AGTPBP1: variants seen among roughly 807,000 people sequenced by gnomAD.
AGTPBP1 encodes the protein cytosolic carboxypeptidase 1.
A neutral mutation model predicts 143.9 loss-of-function variants in AGTPBP1; 70 were observed. The observed-to-expected ratio is 0.49, with a 90% CI of 0.40 to 0.59. The LOEUF (loss-of-function observed/expected upper bound fraction) is 0.59. Ranked by LOEUF, AGTPBP1 falls within the 20% of genes least tolerant of loss-of-function variation. AGTPBP1 has a pLI of 0.00. For synonymous variants in AGTPBP1, 463 were observed against 500.2 expected (o/e 0.93, Z 0.99); for missense variants, 1,229 against 1,464.5 (o/e 0.84, Z 2.62).
chr9:85,726,006 A>G (rs1353213775), intron 1 of AGTPBP1, among the ~76,000 whole-genome samples: 1 of 149,830 alleles, frequency 6.7e-6, no homozygotes, highest in Non-Finnish European at 1.5e-5. Context: ...CAGTGAGCCA[A>G]GATCATGCTA....
chr9:85,752,782 G>C, the AGTPBP1 span, among the ~76,000 whole-genome samples: 17 of 152,136 alleles, frequency 1.1e-4, no homozygotes, highest in Admixed American at 1.0e-3. Flanking sequence ...TGAGGCTGGA[G>C]CATCACCGGA....
At chr9:85,622,494 A>G (rs1005992360) in intron 14 of AGTPBP1, among the ~76,000 whole-genome samples, 1 of 152,218 alleles carries the variant, frequency 6.6e-6, no homozygotes, top group Non-Finnish European at 1.5e-5. Context: ...AAAATATCAG[A>G]AGGTATGATA....
At chr9:85,705,640 A>G (rs1225975583) in intron 2 of AGTPBP1, among the ~76,000 whole-genome samples, 2 of 152,252 alleles carry the variant, frequency 1.3e-5, no homozygotes, top group Non-Finnish European at 2.9e-5. Context: ...CATAGGTAAC[A>G]GTAAGCGTAT....
intron 17 of AGTPBP1, among the ~76,000 whole-genome samples, chr9:85,607,440 T>G (rs1830055707): frequency 2.0e-5 from 3 of 152,110 alleles, no homozygotes; most frequent in Non-Finnish European, 4.4e-5. Flanking sequence ...CCAGCAAGAA[T>G]CAATCAAATG....
intron 14 of AGTPBP1, among the ~76,000 whole-genome samples, chr9:85,626,402 A>G (rs1422989968): frequency 6.6e-6 from 1 of 152,222 alleles, no homozygotes; most frequent in Non-Finnish European, 1.5e-5. Flanking sequence ...TGAAAGTGAT[A>G]AAACAGTAAT....
chr9:85,603,948 G>A (rs897211262), intron 17 of AGTPBP1, among the ~76,000 whole-genome samples: 1 of 152,134 alleles, frequency 6.6e-6, no homozygotes, highest in Admixed American at 6.5e-5. Context: ...TTGCAGTTTG[G>A]GTGCCAGCTT....
At chr9:85,634,233 A>AG (rs1352210957) in intron 13 of AGTPBP1, among the ~76,000 whole-genome samples, 5 of 149,770 alleles carry the variant, frequency 3.3e-5, no homozygotes, top group African/African-American at 1.2e-4. Context: ...CAGGACAGGC[A>AG]GGATGTAATG....
At chr9:85,753,238 A>T in the AGTPBP1 span, 2 of 1,566,764 alleles carry the variant, frequency 1.3e-6, no homozygotes, top group Non-Finnish European at 1.7e-6. Flanking sequence ...GAAAAAAAAA[A>T]TTGTCATCAG....
In AGTPBP1 at chr9:85,660,972, C is replaced by T. The variant is rs766396281; in HGVS notation, c.664G>A (p.Val222Ile). The T allele has an allele frequency of 5.7e-5, 91 of 1,594,508 alleles. 4 individuals carry two copies. The South Asian group carries it at 9.6e-4, about 17-fold the overall frequency. The change falls in exon 9 of 26, where the codon GTT (valine) becomes ATT (isoleucine). Residue 222 changes from valine to isoleucine, a missense_variant and splice_region_variant. Coordinates refer to ENST00000357081, the MANE Select transcript of AGTPBP1 (RefSeq NM_001330701.2). ...AATGCAGCAAGAGTGTCTAAAGCAA[C>T]CCTGTCAACACAACAAGAAAACACA... The part of the protein sequence containing the change: ...FSKKNSSLIK[V>I]ALDTLAALLK...
chr9:85,749,167 TA>T, the AGTPBP1 span, among the ~76,000 whole-genome samples: 1 of 151,844 alleles, frequency 6.6e-6, no homozygotes, highest in South Asian at 2.1e-4. Flanking sequence ...ACACATTTTT[TA>T]ATTTTTTGTA....
intron 13 of AGTPBP1, 40 bp from the exon 14 acceptor site, chr9:85,633,414 T>C (rs1831820760): frequency 1.4e-6 from 2 of 1,383,730 alleles, no homozygotes; most frequent in Non-Finnish European, 1.9e-6. Flanking sequence ...TAACTGTAAA[T>C]ATTAAAACAT....
At chr9:85,650,413 T>C (rs1224553288) in intron 11 of AGTPBP1, among the ~76,000 whole-genome samples, 3 of 152,136 alleles carry the variant, frequency 2.0e-5, no homozygotes, top group African/African-American at 7.2e-5. Flanking sequence ...GAAAACCACC[T>C]CCACTTAATG....
intron 25 of AGTPBP1, among the ~76,000 whole-genome samples, chr9:85,549,410 G>A (rs1367135074): frequency 1.3e-5 from 2 of 152,130 alleles, no homozygotes; most frequent in Non-Finnish European, 2.9e-5. Flanking sequence ...TATGGACAGC[G>A]GAATTCCAGC....
chr9:85,672,273 C>T (rs1028728485), intron 7 of AGTPBP1, among the ~76,000 whole-genome samples: 8 of 151,962 alleles, frequency 5.3e-5, no homozygotes, highest in Admixed American at 5.2e-4. Flanking sequence ...TTCCCCATGT[C>T]GGTCAGGCTG....
At chr9:85,647,179 A>C (rs1160510863) in intron 11 of AGTPBP1, among the ~76,000 whole-genome samples, 2 of 152,226 alleles carry the variant, frequency 1.3e-5, no homozygotes, top group Non-Finnish European at 2.9e-5. Context: ...CGGGAGGCTG[A>C]GGCAGAAGAA....
chr9:85,591,666 T>C lies in AGTPBP1; in HGVS notation c.2568+894A>G, dbSNP rs140083014. ...ATATATGAACATTGTACCTTTATGG[T>C]AGGTTGTAACCTTTCTTAAAGTACA... On this transcript the variant is annotated intron_variant, in intron 19 of 25. Transcript: ENST00000357081. Among the ~76,000 whole-genome samples the C allele has an allele frequency of 5.0e-3, 768 of 152,278 alleles. 6 individuals carry two copies. Among genetic ancestry groups the C allele is most frequent in the African/African-American group, 0.018 (734 of 41,566 alleles).
the AGTPBP1 span, among the ~76,000 whole-genome samples, chr9:85,776,918 A>G: frequency 1.3e-5 from 2 of 152,170 alleles, no homozygotes; most frequent in Non-Finnish European, 2.9e-5. Flanking sequence ...TGACTATGGA[A>G]GAAACAGTAC....
intron 14 of AGTPBP1, among the ~76,000 whole-genome samples, chr9:85,627,668 C>T (rs969665708): frequency 2.0e-5 from 3 of 152,184 alleles, no homozygotes; most frequent in Non-Finnish European, 4.4e-5. Flanking sequence ...CCCTTTGCCC[C>T]TGCTGAGACA....
At chr9:85,577,537 T>C (rs1326930159) in intron 24 of AGTPBP1, among the ~76,000 whole-genome samples, 1 of 152,202 alleles carries the variant, frequency 6.6e-6, no homozygotes, top group Non-Finnish European at 1.5e-5. Context: ...ACCATGCCCT[T>C]GTAAACTACA....
Sources: allele counts gnomAD v4.1 joint callset (sites outside exome capture counted in the v4.1 genomes callset), GRCh38; gene constraint gnomAD v4.1.1; transcripts MANE v1.5; gene names NCBI Gene and HGNC (gene_info 2026-07-23, HGNC 2026-07-21).